Variants in PPFIA2 observed in about 807,000 individuals in gnomAD.
PPFIA2 encodes the protein liprin-alpha-2.
A neutral mutation model predicts 175.5 loss-of-function variants in PPFIA2; 46 were observed. The observed-to-expected ratio is 0.26, with a 90% confidence interval of 0.21 to 0.34. The LOEUF (loss-of-function observed/expected upper bound fraction) is 0.34, where lower values mean the gene tolerates loss of function less well. PPFIA2 is among the 10% of genes least tolerant of loss of function. The pLI, the probability that PPFIA2 is intolerant of heterozygous loss-of-function variation, is 1.00. For synonymous variants in PPFIA2, 568 were observed against 511.4 expected, an observed-to-expected ratio of 1.11 and a Z score of -1.49; for missense variants, 1,179 against 1,506.1, an observed-to-expected ratio of 0.78 and a Z score of 3.60.
intron 5 of PPFIA2, among the ~76,000 whole-genome samples, chr12:81,453,434 A>T (rs1022279360): frequency 2.6e-5 from 4 of 152,188 alleles, no homozygotes; most frequent in Admixed American, 2.6e-4. Flanking sequence ...TTGTCAAAAC[A>T]TGTCTTATTG....
intron 3 of PPFIA2, among the ~76,000 whole-genome samples, chr12:81,741,677 T>C (rs1229857694): frequency 1.3e-5 from 2 of 151,786 alleles, no homozygotes; most frequent in Non-Finnish European, 2.9e-5. Flanking sequence ...TTAGTGTTAT[T>C]GCATTTTATG....
At chr12:81,326,495 CATA>C (rs1326165720) in intron 21 of PPFIA2, among the ~76,000 whole-genome samples, 1 of 151,896 alleles carries the variant, frequency 6.6e-6, no homozygotes, top group Non-Finnish European at 1.5e-5. Context: ...TTTTAAACTT[CATA>C]ATATTTTTTG....
chr12:81,758,165 T>C (rs940130017), intron 2 of PPFIA2, among the ~76,000 whole-genome samples: 1 of 152,056 alleles, frequency 6.6e-6, no homozygotes, highest in African/African-American at 2.4e-5. Flanking sequence ...CTTGAAGAAG[T>C]TGACTTCATC....
chr12:81,754,908 C>G (rs2084402535), intron 2 of PPFIA2, among the ~76,000 whole-genome samples: 1 of 152,084 alleles, frequency 6.6e-6, no homozygotes, highest in Non-Finnish European at 1.5e-5. Context: ...CTACCCAGAG[C>G]AGATAAGTGA....
At chr12:81,693,505 C>T (rs1049390979) in intron 3 of PPFIA2, among the ~76,000 whole-genome samples, 2 of 152,262 alleles carry the variant, frequency 1.3e-5, no homozygotes, top group Middle Eastern at 3.4e-3. Flanking sequence ...CAGATGCCCA[C>T]ACCATGCTCC....
At chr12:81,610,188 G>T (rs1461279394) in intron 4 of PPFIA2, among the ~76,000 whole-genome samples, 1 of 151,958 alleles carries the variant, frequency 6.6e-6, no homozygotes, top group African/African-American at 2.4e-5. Flanking sequence ...ATCTCTAGCT[G>T]CCTTTAAGAT....
At chr12:81,435,531 C>T (rs1344271625) in intron 7 of PPFIA2, among the ~76,000 whole-genome samples, 1 of 151,606 alleles carries the variant, frequency 6.6e-6, no homozygotes, top group Admixed American at 6.6e-5. Context: ...TAACTCCAAA[C>T]CCATCCGTGA....
chr12:81,283,804 G>A (rs966570355), intron 25 of PPFIA2, among the ~76,000 whole-genome samples: 1 of 151,804 alleles, frequency 6.6e-6, no homozygotes, highest in East Asian at 1.9e-4. Flanking sequence ...GTTTTTTGGG[G>A]GTTTTTTTGG....
chr12:81,315,408 G>A (rs2139332580), intron 22 of PPFIA2, among the ~76,000 whole-genome samples: 1 of 151,826 alleles, frequency 6.6e-6, no homozygotes, highest in South Asian at 2.1e-4. Flanking sequence ...AAATTTTGAG[G>A]GTGTTGAAAT....
chr12:81,263,932 G>T (rs997547761), intron 30 of PPFIA2, among the ~76,000 whole-genome samples: 10 of 152,172 alleles, frequency 6.6e-5, no homozygotes, highest in Non-Finnish European at 1.2e-4. Flanking sequence ...TGTGATTTGT[G>T]AAGTTTTAGG....
rs920506867 is a variant in PPFIA2, at chr12:81,627,911, G to A, written c.303+48880C>T. On this transcript the variant is annotated intron_variant, in intron 4 of 32. Transcript: ENST00000549396. ...CTTAATAATATGTCAGGACAAAATT[G>A]AAATGAAAAATCTTAAATATGAATT... Among the ~76,000 whole-genome samples, 6 of 151,946 alleles carry A rather than the reference G, an allele frequency of 3.9e-5. No individual in the cohort carries two copies. The South Asian group carries it at 6.2e-4, about 16-fold the overall frequency.
intron 4 of PPFIA2, among the ~76,000 whole-genome samples, chr12:81,463,814 AG>A (rs879850730): frequency 9.9e-5 from 15 of 152,156 alleles, no homozygotes; most frequent in Non-Finnish European, 1.9e-4. Flanking sequence ...ATAGTAATTC[AG>A]CTCATGGTGT....
chr12:81,570,714 T>G (rs2072365249), intron 4 of PPFIA2, among the ~76,000 whole-genome samples: 1 of 148,514 alleles, frequency 6.7e-6, no homozygotes, highest in Non-Finnish European at 1.5e-5. Context: ...AAATATAATA[T>G]TTTATAATAT....
chr12:81,506,956 G>A (rs1022793863), intron 4 of PPFIA2, among the ~76,000 whole-genome samples: 3 of 152,202 alleles, frequency 2.0e-5, no homozygotes, highest in Non-Finnish European at 4.4e-5. Flanking sequence ...GGTTACACAA[G>A]AGAATAAGTC....
chr12:81,483,208 A>G (rs2058445109), intron 4 of PPFIA2, among the ~76,000 whole-genome samples: 1 of 152,170 alleles, frequency 6.6e-6, no homozygotes, highest in South Asian at 2.1e-4. Context: ...TTCTAGTTAT[A>G]CATACAAGGT....
At chr12:81,452,451 C>T (rs572174327) in intron 5 of PPFIA2, among the ~76,000 whole-genome samples, 81 of 152,200 alleles carry the variant, frequency 5.3e-4, no homozygotes, top group Non-Finnish European at 1.0e-3. Flanking sequence ...TATCTTTTAC[C>T]CTCAAATATC....
At chr12:81,610,497 T>C (rs1354236542) in intron 4 of PPFIA2, among the ~76,000 whole-genome samples, 1 of 152,222 alleles carries the variant, frequency 6.6e-6, no homozygotes, top group Non-Finnish European at 1.5e-5. Context: ...CTGAGATTCT[T>C]TCCTCAGCTT....
chr12:81,541,346 G>A (rs2066180145), intron 4 of PPFIA2, among the ~76,000 whole-genome samples: 1 of 151,810 alleles, frequency 6.6e-6, no homozygotes, highest in Admixed American at 6.6e-5. Context: ...CTGTTCATGG[G>A]CTCCTCCTCA....
intron 4 of PPFIA2, among the ~76,000 whole-genome samples, chr12:81,658,807 AGG>A (rs766821828): frequency 3.7e-4 from 56 of 152,174 alleles, no homozygotes; most frequent in Admixed American, 1.2e-3. Flanking sequence ...TAGAAAAGGA[AGG>A]GAGAAAAAAA....
Sources: allele counts gnomAD v4.1 joint callset (sites outside exome capture counted in the v4.1 genomes callset), GRCh38; gene constraint gnomAD v4.1.1; transcripts MANE v1.5; gene names NCBI Gene and HGNC (gene_info 2026-07-23, HGNC 2026-07-21).